Variants in TFDP1 observed in about 807,000 individuals in gnomAD.
TFDP1 encodes transcription factor Dp-1, also known as DRTF1-polypeptide 1.
In TFDP1, 6 loss-of-function variants were observed where a neutral mutation model predicts 48.0. The ratio of observed to expected loss-of-function variants is 0.13; its 90% CI spans 0.07 to 0.25. The LOEUF is 0.25. TFDP1 is among the 10% of genes least tolerant of loss of function. The pLI is 1.00. For missense variants in TFDP1, 335 were observed against 543.0 expected (o/e 0.62, Z 3.81); for synonymous variants, 201 against 211.6 (o/e 0.95, Z 0.44).
Position 113,636,756 on chromosome 13 carries a change from C to G in TFDP1, c.1006+56C>G, listed in dbSNP as rs149387649. 835 of 1,570,244 alleles carry G rather than the reference C, an allele frequency of 5.3e-4. 3 individuals are homozygous for G. The African/African-American group carries it at 0.01, about 20-fold the overall frequency. On this transcript the variant is annotated intron_variant, in intron 10 of 11. Coordinates refer to ENST00000375370, the MANE Select transcript of TFDP1 (RefSeq NM_007111.5). ...TGTGTGAGGAATGGCCCCCAGCCTC[C>G]GACGGTGCCCTCCCCTCCCGGCTCG...
At position 113,627,422 on chromosome 13, in the gene TFDP1, G is replaced by A. The variant is rs1053865212; in HGVS notation, c.186+4136G>A. 5.9e-5 allele frequency among the ~76,000 whole-genome samples: 9 copies of A among 152,184 alleles called. No individual in the cohort carries two copies. The highest frequency in any genetic ancestry group is 2.0e-4 in the Admixed American group (3 of 15,288). ...CACCCAGGCCTGTGTCCCAGAAGTCGGCATCTGTGGTCGCAGTGGCCTTTC... is the reference window on the plus strand; with the variant it reads ...CACCCAGGCCTGTGTCCCAGAAGTCAGCATCTGTGGTCGCAGTGGCCTTTC... On this transcript the variant is annotated intron_variant, in intron 4 of 11. Coordinates refer to ENST00000375370, the MANE Select transcript of TFDP1 (RefSeq NM_007111.5). The surrounding 1 kb of genome is among the most constrained non-coding windows in gnomAD (Gnocchi z 4.1).
Position 113,591,604 on chromosome 13 carries a change from A to G in TFDP1, c.12+5755A>G, listed in dbSNP as rs1305531185. The stretch of plus-strand genomic sequence containing the variant: ...CTTTAGGGGATGTTAAAAACTTTTC[A>G]CTCTTGGTATTTACATTAAAAAATA... On this transcript the variant is annotated intron_variant, in intron 2 of 11. Transcript: ENST00000375370. Among the ~76,000 whole-genome samples the G allele has an allele frequency of 6.6e-5, 10 of 152,158 alleles. No homozygotes were observed. In the East Asian group the frequency reaches 1.5e-3, roughly 23 times the overall value.
rs148473417 is a variant in TFDP1, at chr13:113,630,332, C to T, written c.187-1291C>T. ...CGCACTCTGATGAGTCTCTGATCAT[C>T]GGAGAGATGAGTGTCAATGAAAAGA... On this transcript the variant is annotated intron_variant, in intron 4 of 11. Transcript: ENST00000375370. Among the ~76,000 whole-genome samples the T allele has an allele frequency of 1.2e-4, 18 of 152,290 alleles. No homozygotes were observed. The East Asian group carries it at 3.3e-3, about 28-fold the overall frequency.
In TFDP1 at chr13:113,640,145, A is replaced by G; in HGVS notation, c.1111A>G (p.Met371Val). The part of the protein sequence containing the change: ...ASDLTNGADG[M>V]LATSSNGSQY... ...TGACCTGACCAACGGTGCAGATGGG[A>G]TGCTGGCCACAAGCTCCAATGGGTC... The change falls in exon 12 of 12, where the codon ATG becomes GTG. Residue 371 changes from methionine to valine, a missense_variant. Coordinates refer to ENST00000375370, the MANE Select transcript of TFDP1 (RefSeq NM_007111.5). 1 of 1,611,582 alleles carries G rather than the reference A, an allele frequency of 6.2e-7. No homozygotes were observed. Among genetic ancestry groups the G allele is most frequent in the Non-Finnish European group, 8.5e-7 (1 of 1,179,186 alleles).
At chr13:113,587,719 TCAA>T (rs1033954939) in intron 2 of TFDP1, among the ~76,000 whole-genome samples, 3 of 152,038 alleles carry the variant, frequency 2.0e-5, no homozygotes, top group Admixed American at 6.5e-5. Context: ...GCTCCTGACC[TCAA>T]CAATCCACCC....
At chr13:113,640,094 G>A (rs757589088) in intron 11 of TFDP1, 26 bp from the exon 12 acceptor site, 17 of 1,560,342 alleles carry the variant, frequency 1.1e-5, no homozygotes, top group South Asian at 9.5e-5. Context: ...CTGCACTGAC[G>A]GCGCCATCCG....
chr13:113,588,582 A>G (rs188593495), intron 2 of TFDP1, among the ~76,000 whole-genome samples: 9 of 152,358 alleles, frequency 5.9e-5, no homozygotes, highest in Non-Finnish European at 1.2e-4. Flanking sequence ...GTGAAGGTCT[A>G]TATGGCAAGG....
intron 3 of TFDP1, among the ~76,000 whole-genome samples, chr13:113,622,821 G>A (rs980760524): frequency 3.9e-5 from 6 of 152,326 alleles, no homozygotes; most frequent in South Asian, 2.1e-4. Flanking sequence ...GAAATGTTGC[G>A]ATAAAAATTC....
At chr13:113,591,858 C>G (rs918436613) in intron 2 of TFDP1, among the ~76,000 whole-genome samples, 1 of 152,182 alleles carries the variant, frequency 6.6e-6, no homozygotes, top group African/African-American at 2.4e-5. Context: ...ACCCCTCATC[C>G]CCCAGGTGTC....
chr13:113,627,158 TGG>T lies in TFDP1; in HGVS notation c.186+3875_186+3876del, dbSNP rs957009179. ...GACTGGCTCATTCTGACACGAGGGG[TGG>T]GGCTCAGTCCGGGCATGTGAGTGAA... is the stretch of plus-strand genomic sequence containing the variant. On this transcript the variant is annotated intron_variant, in intron 4 of 11. Transcript: ENST00000375370. The surrounding 1 kb of genome is among the most constrained non-coding windows in gnomAD (Gnocchi z 4.1). Among the ~76,000 whole-genome samples, 4 of 152,012 alleles carry T rather than the reference TGG, an allele frequency of 2.6e-5. No individual in the cohort carries two copies. The highest frequency in any genetic ancestry group is 9.6e-5 in the African/African-American group (4 of 41,452).
intron 11 of TFDP1, among the ~76,000 whole-genome samples, chr13:113,638,516 A>T (rs1183048859): frequency 6.9e-6 from 1 of 144,552 alleles, no homozygotes; most frequent in Non-Finnish European, 1.5e-5. Flanking sequence ...TGATTATGGT[A>T]CACGTATTTT....
At chr13:113,606,588 G>A (rs1164771297) in intron 2 of TFDP1, among the ~76,000 whole-genome samples, 3 of 152,096 alleles carry the variant, frequency 2.0e-5, no homozygotes, top group Non-Finnish European at 4.4e-5. Flanking sequence ...CAGCCTTCCT[G>A]GAGGCTGTGT....
Position 113,633,046 on chromosome 13 carries a change from T to TA in TFDP1, c.309-70dup, listed in dbSNP as rs2049378991. On this transcript the variant is annotated intron_variant, in intron 5 of 11. Transcript: ENST00000375370. This position sits in a 1 kb window ranked among gnomAD's most constrained non-coding sequence, Gnocchi z 4.5. ...TGTGCAGCTCATTAGAGCTCTCAGG[T>TA]AAAAGCATTCCTCGATTCAGGCTGA... 1.3e-6 allele frequency: 2 copies of TA among 1,585,210 alleles called. No homozygotes were observed. The highest frequency in any genetic ancestry group is 1.7e-6 in the Non-Finnish European group (2 of 1,164,004).
At chr13:113,611,803 C>T (rs148525670) in intron 3 of TFDP1, among the ~76,000 whole-genome samples, 3 of 150,926 alleles carry the variant, frequency 2.0e-5, no homozygotes, top group African/African-American at 7.3e-5. Flanking sequence ...CAGGGTAGTT[C>T]GTTGTGGTTT....
rs1409298845 is a variant in TFDP1, at chr13:113,598,122, G to T, written c.12+12273G>T. Among the ~76,000 whole-genome samples, 1 of 152,112 alleles carries T rather than the reference G, an allele frequency of 6.6e-6. No individual in the cohort carries two copies. Among genetic ancestry groups the T allele is most frequent in the African/African-American group, 2.4e-5 (1 of 41,408 alleles). ...CAACTGTGTTGGGAGCCACTTGCTG[G>T]TGCCTGGCCAAGTTCCCGTCTGGTC... On this transcript the variant is annotated intron_variant, in intron 2 of 11. Transcript: ENST00000375370. The surrounding 1 kb of genome is among the most constrained non-coding windows in gnomAD (Gnocchi z 4.2).
rs991650756 is a variant in TFDP1, at chr13:113,598,818, T to G, written c.13-12178T>G. Among the ~76,000 whole-genome samples, 3 of 152,200 alleles carry G rather than the reference T, an allele frequency of 2.0e-5. No individual in the cohort carries two copies. The highest frequency in any genetic ancestry group is 7.2e-5 in the African/African-American group (3 of 41,448). ...GGGGTAGCCAGCTTCCTCTGACTCTTTCTTAGGGTGATGTTGGGCACCACC... is the reference window on the plus strand; with the variant it reads ...GGGGTAGCCAGCTTCCTCTGACTCTGTCTTAGGGTGATGTTGGGCACCACC... On this transcript the variant is annotated intron_variant, in intron 2 of 11. Transcript: ENST00000375370. The surrounding 1 kb of genome is among the most constrained non-coding windows in gnomAD (Gnocchi z 4.2).
intron 2 of TFDP1, among the ~76,000 whole-genome samples, chr13:113,591,991 C>T (rs1010325766): frequency 1.3e-5 from 2 of 152,190 alleles, no homozygotes; most frequent in African/African-American, 4.8e-5. Context: ...CTGAGATTCC[C>T]GCAGCATCCC....
chr13:113,630,155 G>GCA (rs3076650), intron 4 of TFDP1, among the ~76,000 whole-genome samples: 73,682 of 149,046 alleles, frequency 0.49, 18,109 homozygotes, highest in Admixed American at 0.55. Context: ...TGCCCCAGCA[G>GCA]CACACACACA....
At chr13:113,635,646 T>C (rs2049464606) in intron 8 of TFDP1, among the ~76,000 whole-genome samples, 1 of 152,142 alleles carries the variant, frequency 6.6e-6, no homozygotes, top group African/African-American at 2.4e-5. Flanking sequence ...GCCATGGTGG[T>C]AGGTGGTCTT....
Sources: allele counts gnomAD v4.1 joint callset (sites outside exome capture counted in the v4.1 genomes callset), GRCh38; gene constraint gnomAD v4.1.1; non-coding constraint Gnocchi (gnomAD v3.1); transcripts MANE v1.5; gene names NCBI Gene and HGNC (gene_info 2026-07-23, HGNC 2026-07-21).